ADAMTS14: variants seen among roughly 807,000 people sequenced by gnomAD.
The protein encoded by ADAMTS14 is A disintegrin and metalloproteinase with thrombospondin motifs 14.
In ADAMTS14, 100 loss-of-function variants were observed where a neutral mutation model predicts 128.6. The ratio of observed to expected loss-of-function variants is 0.78; its 90% CI spans 0.66 to 0.92. The LOEUF is 0.92. ADAMTS14 is among the 40% of genes least tolerant of loss of function. The probability of loss-of-function intolerance (pLI) is 0.00; values close to 1 mark genes in which losing one functional copy is unlikely to be tolerated. For missense variants in ADAMTS14, 1,562 were observed against 1,658.6 expected (o/e 0.94, Z 1.01); for synonymous variants, 665 against 653.8 (o/e 1.02, Z -0.26).
intron 9 of ADAMTS14, 119 bp downstream of exon 9, chr10:70,735,420 G>C (rs1010672538): frequency 1.0e-5 from 14 of 1,392,704 alleles, no homozygotes; most frequent in Non-Finnish European, 1.3e-5. Flanking sequence ...CTGGTGATGG[G>C]CCCACAGACA....
chr10:70,716,059 C>A (rs1038477576), intron 4 of ADAMTS14, among the ~76,000 whole-genome samples: 3 of 152,202 alleles, frequency 2.0e-5, no homozygotes, highest in Admixed American at 2.0e-4. Flanking sequence ...AAGCTGTGGC[C>A]GGGGAACATT....
At chr10:70,757,065 C>G (rs1193296909) in intron 19 of ADAMTS14, among the ~76,000 whole-genome samples, 5 of 152,030 alleles carry the variant, frequency 3.3e-5, no homozygotes, top group Non-Finnish European at 7.4e-5. Flanking sequence ...GAAGTGGGGT[C>G]CTGCAAATTC....
chr10:70,738,746 C>A, intron 10 of ADAMTS14, 96 bp from the exon 11 acceptor site: 3 of 1,560,194 alleles, frequency 1.9e-6, no homozygotes, highest in South Asian at 1.1e-5. Context: ...TCTGCCTAAA[C>A]CCAGGCTCAT....
chr10:70,694,726 C>T lies in ADAMTS14; in HGVS notation c.523-7586C>T, dbSNP rs186541017. Among the ~76,000 whole-genome samples, 16 of 152,264 alleles carry T rather than the reference C, an allele frequency of 1.1e-4. No homozygotes were observed. In the East Asian group the frequency reaches 1.7e-3, roughly 17 times the overall value. On this transcript the variant is annotated intron_variant, in intron 2 of 21. Transcript: ENST00000373207. ...TTTACCAGTACTTCATTCCTTTCTA[C>T]GGCAAAATAATATTTCATTGTATGG...
At chr10:70,727,436 G>A (rs1841474871) in intron 4 of ADAMTS14, among the ~76,000 whole-genome samples, 2 of 152,218 alleles carry the variant, frequency 1.3e-5, no homozygotes, top group Non-Finnish European at 2.9e-5. Context: ...AGTAGTGAGA[G>A]CAAGACTATG....
chr10:70,753,995 A>C lies in ADAMTS14; in HGVS notation c.2925A>C (p.Gly975=), dbSNP rs1842421899. The change falls in exon 19 of 22, where the codon GGA becomes GGC. Residue 975 remains glycine, a synonymous_variant. Transcript: ENST00000373207. The stretch of plus-strand genomic sequence containing the variant: ...CCTGCCCAGCCCAGTGGAGGCTGGG[A>C]GCCTGGTCCCAGGTGACTTGTCCTC... ...RVPCPAQWRL[G]AWSQCSATCG... 6 of 1,565,522 alleles carry C rather than the reference A, an allele frequency of 3.8e-6. No individual in the cohort carries two copies. The highest frequency in any genetic ancestry group is 5.2e-6 in the Non-Finnish European group (6 of 1,158,176).
At position 70,762,004 on chromosome 10, in the gene ADAMTS14, G is replaced by C. The variant is rs898046602; in HGVS notation, c.*1151G>C. ...GAGTGGGGAAGACACACTCACCCAC[G>C]GTGCTGTAAGGGCCTGAGCTGTGCT... is the stretch of plus-strand genomic sequence containing the variant. On this transcript the variant is annotated 3_prime_UTR_variant, in exon 22 of 22. Coordinates refer to ENST00000373207, the MANE Select transcript of ADAMTS14 (RefSeq NM_080722.4). 6.5e-6 allele frequency: 1 copy of C among 152,854 alleles called. No individual in the cohort carries two copies. The highest frequency in any genetic ancestry group is 6.5e-5 in the Admixed American group (1 of 15,312). 9.5% of individuals were successfully genotyped at this position (152,854 alleles called of 1,614,324 possible).
chr10:70,704,090 C>T (rs1017867368), intron 3 of ADAMTS14, among the ~76,000 whole-genome samples: 12 of 152,206 alleles, frequency 7.9e-5, no homozygotes, highest in Admixed American at 7.8e-4. Flanking sequence ...AGAGAGGTGC[C>T]TCAGAGGCCT....
intron 2 of ADAMTS14, among the ~76,000 whole-genome samples, chr10:70,695,942 G>T (rs529749603): frequency 6.6e-6 from 1 of 152,340 alleles, no homozygotes; most frequent in African/African-American, 2.4e-5. Flanking sequence ...GCCATGTTGT[G>T]GTCACAGGTA....
chr10:70,730,571 G>A (rs1315889849), intron 6 of ADAMTS14, among the ~76,000 whole-genome samples: 3 of 152,186 alleles, frequency 2.0e-5, no homozygotes. Context: ...TCTCCACACT[G>A]TGTCCTTCTG....
intron 15 of ADAMTS14, among the ~76,000 whole-genome samples, chr10:70,748,145 G>GT (rs1329131114): frequency 6.6e-6 from 1 of 152,200 alleles, no homozygotes; most frequent in Non-Finnish European, 1.5e-5. Flanking sequence ...TATGAATATT[G>GT]TTTTCCCGCT....
intron 4 of ADAMTS14, among the ~76,000 whole-genome samples, chr10:70,719,934 C>G (rs1014747722): frequency 2.6e-5 from 4 of 152,248 alleles, no homozygotes; most frequent in African/African-American, 9.6e-5. Context: ...CCTCTGTTTA[C>G]ACACAAGCTG....
chr10:70,714,876 G>A (rs1288977899), intron 4 of ADAMTS14, among the ~76,000 whole-genome samples: 1 of 151,154 alleles, frequency 6.6e-6, no homozygotes, highest in Non-Finnish European at 1.5e-5. Flanking sequence ...AACCTGGGAG[G>A]CGGAGGTTGC....
intron 18 of ADAMTS14, among the ~76,000 whole-genome samples, chr10:70,752,759 C>T (rs186446976): frequency 9.2e-5 from 14 of 152,312 alleles, no homozygotes; most frequent in East Asian, 3.9e-4. Context: ...CCCTGGTAGG[C>T]GTAGGGTGCT....
Position 70,744,166 on chromosome 10 carries a change from TG to T in ADAMTS14, c.2162del (p.Gly721AlafsTer36). 6.5e-7 allele frequency: 1 copy of T among 1,540,146 alleles called. No homozygotes were observed. Among genetic ancestry groups the T allele is most frequent in the Admixed American group, 2.0e-5 (1 of 50,730 alleles). ...CACTGCAGGACTGTGAAGGGGACGCTGGGCAAGGCCTCCAAGCAGGCAGGTG... is the reference window on the plus strand; with the variant it reads ...CACTGCAGGACTGTGAAGGGGACGCTGGCAAGGCCTCCAAGCAGGCAGGTG... ...NSHCRTVKGTLGKASKQAGAL... is the reference protein window; with the variant it reads ...NSHCRTVKGTXGKASKQAGAL... On this transcript the variant is annotated frameshift_variant, in exon 14 of 22. Transcript: ENST00000373207.
At chr10:70,686,274 C>CTT (rs5785998) in intron 2 of ADAMTS14, among the ~76,000 whole-genome samples, 2,103 of 125,260 alleles carry the variant, frequency 0.017, 34 homozygotes, top group East Asian at 0.028. Context: ...TCAGCCTTTG[C>CTT]TTTTTTTTTT....
chr10:70,734,500 G>T (rs1424120787), intron 8 of ADAMTS14, among the ~76,000 whole-genome samples: 3 of 152,152 alleles, frequency 2.0e-5, no homozygotes, highest in African/African-American at 7.2e-5. Context: ...GTGCCACTGT[G>T]GCTTTCCCCC....
chr10:70,749,670 C>T, intron 15 of ADAMTS14, 152 bp from the exon 16 acceptor site: 1 of 851,612 alleles, frequency 1.2e-6, no homozygotes, highest in Non-Finnish European at 1.8e-6. Context: ...AGCGTGTTGA[C>T]CTGTCTGACT....
chr10:70,745,285 G>A lies in ADAMTS14; in HGVS notation c.2242G>A (p.Glu748Lys). The change falls in exon 15 of 22, where the codon GAG becomes AAG. Residue 748 changes from glutamate (E) to lysine (K), a missense_variant. Transcript: ENST00000373207. ...CAGGCACATCCAGATTGAGGCACTG[G>A]AGAAGTCCCCCCACCGCATTGGTGA... Reference protein sequence around the residue: ...GARHIQIEALEKSPHRIVVKN... With the variant: ...GARHIQIEALKKSPHRIVVKN... 6.2e-7 allele frequency: 1 copy of A among 1,612,654 alleles called. No homozygotes were observed. Among genetic ancestry groups the A allele is most frequent in the Non-Finnish European group, 8.5e-7 (1 of 1,179,986 alleles).
Sources: allele counts gnomAD v4.1 joint callset (sites outside exome capture counted in the v4.1 genomes callset), GRCh38; gene constraint gnomAD v4.1.1; transcripts MANE v1.5; gene names NCBI Gene and HGNC (gene_info 2026-07-23, HGNC 2026-07-21).